Variants in OR51B5 observed in about 807,000 individuals in gnomAD.
The protein encoded by OR51B5 is olfactory receptor 51B5.
For synonymous variants in OR51B5, 186 were observed against 144.8 expected (o/e 1.28, Z -2.04); for missense variants, 456 against 374.6 (o/e 1.22, Z -1.79).
At chr11:5,345,380 A>G (rs74849386), upstream of OR51B5, among the ~76,000 whole-genome samples, 1 of 152,088 alleles carries the variant, frequency 6.6e-6, no homozygotes, top group Non-Finnish European at 1.5e-5. Context: ...AAAGAGAAAA[A>G]TAGAAAAACT....
chr11:5,449,212 A>G (rs1481455233), intron 1 of OR51B5: 2 of 152,248 alleles, frequency 1.3e-5, no homozygotes, highest in African/African-American at 4.8e-5. Flanking sequence ...TCAGGAGACT[A>G]AAACCTCCCT....
chr11:5,504,272 C>G (rs1846341736), intron 1 of OR51B5, among the ~76,000 whole-genome samples: 1 of 152,194 alleles, frequency 6.6e-6, no homozygotes, highest in Non-Finnish European at 1.5e-5. Flanking sequence ...TAACTGCCGT[C>G]TACTTTCCTA....
intron 1 of OR51B5, among the ~76,000 whole-genome samples, chr11:5,360,791 C>G (rs1213205231): frequency 1.4e-5 from 2 of 148,046 alleles, no homozygotes; most frequent in Non-Finnish European, 3.0e-5. Flanking sequence ...CACATATACA[C>G]CATGGAATAC....
In OR51B5 at chr11:5,389,721, C is replaced by A. The variant is rs776468666; in HGVS notation, n.85-42811G>T. ...AACTCCCATAGTATCTACTTTGGAG[C>A]GTGTCAAATCCAGATGTTCTGCATC... On this transcript the variant is annotated intron_variant and non_coding_transcript_variant, in intron 1 of 4. Transcript: ENST00000415970. The A allele has an allele frequency of 2.5e-6, 4 of 1,613,744 alleles. No homozygotes were observed. In the Admixed American group the frequency reaches 5.0e-5, roughly 20 times the overall value.
At chr11:5,415,641 C>A (rs1390685771) in intron 1 of OR51B5, among the ~76,000 whole-genome samples, 8 of 152,146 alleles carry the variant, frequency 5.3e-5, no homozygotes, top group Non-Finnish European at 1.0e-4. Context: ...GAGAATACTA[C>A]AAGCACCTCT....
intron 1 of OR51B5, among the ~76,000 whole-genome samples, chr11:5,405,112 A>T (rs1230794995): frequency 6.6e-6 from 1 of 152,222 alleles, no homozygotes; most frequent in African/African-American, 2.4e-5. Context: ...GGCATTTAAA[A>T]TGATGTAAAG....
intron 1 of OR51B5, among the ~76,000 whole-genome samples, chr11:5,363,379 A>G (rs571054262): frequency 9.1e-5 from 13 of 142,100 alleles, no homozygotes; most frequent in Non-Finnish European, 1.4e-4. Context: ...ACTTCAAGCT[A>G]TGGTGTTGAG....
intron 1 of OR51B5, among the ~76,000 whole-genome samples, chr11:5,415,213 T>G (rs1182890366): frequency 6.6e-6 from 1 of 151,236 alleles, no homozygotes; most frequent in Non-Finnish European, 1.5e-5. Flanking sequence ...AATAAAGATT[T>G]TCTTTGAAAC....
intron 1 of OR51B5, among the ~76,000 whole-genome samples, chr11:5,476,305 G>C (rs1004912313): frequency 6.6e-6 from 1 of 152,098 alleles, no homozygotes; most frequent in Non-Finnish European, 1.5e-5. Context: ...TATCAAAATG[G>C]AGCCACTGTG....
In OR51B5 at chr11:5,343,269, C is replaced by G. The variant is rs199539939; in HGVS notation, c.256G>C (p.Asp86His). The change falls in exon 1 of 1, where the codon GAT (aspartate) becomes CAT (histidine). Residue 86 changes from aspartate to histidine, a missense_variant. Transcript: ENST00000300773. Reference sequence around the variant, plus strand: ...GCCGCACTTCCAATCTCCCTGTGATCCAGCCAGAGGACTCCCAGCACCGTG... The same window carrying G: ...GCCGCACTTCCAATCTCCCTGTGATGCAGCCAGAGGACTCCCAGCACCGTG... The G allele has an allele frequency of 1.2e-5, 20 of 1,613,102 alleles. No individual in the cohort carries two copies. The Admixed American group carries it at 3.2e-4, about 26-fold the overall frequency.
intron 1 of OR51B5, among the ~76,000 whole-genome samples, chr11:5,433,919 T>A (rs1324887640): frequency 5.9e-5 from 9 of 152,194 alleles, no homozygotes; most frequent in Admixed American, 5.9e-4. Context: ...TCTCTTACTC[T>A]CTACACTCTT....
intron 1 of OR51B5, chr11:5,389,909 A>G (rs1849766819): frequency 6.2e-7 from 1 of 1,611,656 alleles, no homozygotes; most frequent in Non-Finnish European, 8.5e-7. Context: ...CACTATCCCT[A>G]TTGTCCTCCT....
chr11:5,411,778 T>A (rs2133750705), intron 1 of OR51B5, among the ~76,000 whole-genome samples: 1 of 152,284 alleles, frequency 6.6e-6, no homozygotes, highest in East Asian at 1.9e-4. Flanking sequence ...GGAAATGTCC[T>A]AAGAGGCAGA....
chr11:5,351,440 C>T, intron 1 of OR51B5: 2 of 1,278,256 alleles, frequency 1.6e-6, no homozygotes, highest in Non-Finnish European at 2.2e-6. Context: ...TCTCAAGGAG[C>T]AACTTTTATA....
chr11:5,385,372 T>C (rs1849671621), intron 1 of OR51B5: 1 of 152,210 alleles, frequency 6.6e-6, no homozygotes. Flanking sequence ...TTCTACCAGA[T>C]CCTTCTCCCT....
Position 5,440,824 on chromosome 11 carries a change from T to C in OR51B5, n.84+64745A>G, listed in dbSNP as rs748634317. The C allele has an allele frequency of 3.1e-6, 5 of 1,613,716 alleles. No homozygotes were observed. The Admixed American group carries it at 8.4e-5, about 27-fold the overall frequency. On this transcript the variant is annotated intron_variant and non_coding_transcript_variant, in intron 1 of 4. Transcript: ENST00000415970. The stretch of plus-strand genomic sequence containing the variant: ...GCCTTGAGCCGCTGTTCCTGGGATA[T>C]GATGACCAGCATGGCTCTCAGGATC...
At chr11:5,497,881 G>GCACATATT (rs1851672006) in intron 1 of OR51B5, among the ~76,000 whole-genome samples, 1 of 152,110 alleles carries the variant, frequency 6.6e-6, no homozygotes, top group African/African-American at 2.4e-5. Context: ...CAGGAGCATA[G>GCACATATT]GTATGACATC....
At chr11:5,458,602 C>T (rs1850998727) in intron 1 of OR51B5, among the ~76,000 whole-genome samples, 1 of 152,054 alleles carries the variant, frequency 6.6e-6, no homozygotes, top group Non-Finnish European at 1.5e-5. Context: ...GAAATGTTTT[C>T]CCATTTGTTT....
intron 1 of OR51B5, among the ~76,000 whole-genome samples, chr11:5,482,651 A>T (rs1851441574): frequency 1.8e-5 from 2 of 113,938 alleles, no homozygotes; most frequent in Non-Finnish European, 3.5e-5. Flanking sequence ...AACTCAAACA[A>T]ATTTACAGGA....
Sources: gnomAD v4.1 joint callset for allele counts (sites outside exome capture counted in the v4.1 genomes callset) on GRCh38, gnomAD v4.1.1 for gene constraint, MANE v1.5 for transcripts, NCBI Gene and HGNC (gene_info 2026-07-23, HGNC 2026-07-21) for gene names.